Variants in UNC13C observed in about 807,000 individuals in gnomAD.
The protein encoded by UNC13C is protein unc-13 homolog C.
A neutral mutation model predicts 245.4 loss-of-function variants in UNC13C; 174 were observed. The observed-to-expected ratio is 0.71, with a 90% CI of 0.63 to 0.80. The LOEUF (loss-of-function observed/expected upper bound fraction) is 0.80. Among genes scored for constraint, UNC13C ranks in the 30% least tolerant of loss-of-function variants. UNC13C has a pLI of 0.00. For synonymous variants in UNC13C, 992 were observed against 895.1 expected (o/e 1.11, Z -1.93); for missense variants, 2,829 against 2,602.9 (o/e 1.09, Z -1.89).
chr15:54,562,594 T>C (rs778178644), intron 29 of UNC13C, among the ~76,000 whole-genome samples: 1 of 151,996 alleles, frequency 6.6e-6, no homozygotes, highest in African/African-American at 2.4e-5. Context: ...TATTGGAAAT[T>C]TTTGATGAAT....
chr15:54,052,779 T>C (rs1441969604), intron 2 of UNC13C, among the ~76,000 whole-genome samples: 5 of 152,218 alleles, frequency 3.3e-5, no homozygotes, highest in Non-Finnish European at 7.3e-5. Flanking sequence ...AGTTAGTTAG[T>C]TTGCTTTCAC....
chr15:54,477,755 T>C (rs1438018756), intron 19 of UNC13C, among the ~76,000 whole-genome samples: 1 of 146,906 alleles, frequency 6.8e-6, no homozygotes, highest in Non-Finnish European at 1.5e-5. Context: ...ATCAAGGATA[T>C]TGGTCTAAAA....
chr15:54,291,450 G>A (rs1030902333), intron 10 of UNC13C, among the ~76,000 whole-genome samples: 1 of 151,836 alleles, frequency 6.6e-6, no homozygotes, highest in Non-Finnish European at 1.5e-5. Context: ...TTTTATTTTG[G>A]TGAAACTTTA....
intron 2 of UNC13C, among the ~76,000 whole-genome samples, chr15:54,041,550 T>C (rs1269770654): frequency 1.3e-5 from 2 of 152,200 alleles, no homozygotes; most frequent in Non-Finnish European, 2.9e-5. Flanking sequence ...AACACCATAC[T>C]CTTTTCATCA....
chr15:54,097,288 T>C (rs938417407), intron 2 of UNC13C, among the ~76,000 whole-genome samples: 3 of 152,238 alleles, frequency 2.0e-5, no homozygotes, highest in Admixed American at 1.3e-4. Context: ...TTATCTATTT[T>C]ACCACATGTA....
intron 30 of UNC13C, among the ~76,000 whole-genome samples, chr15:54,619,198 G>A (rs1900642033): frequency 6.6e-6 from 1 of 152,100 alleles, no homozygotes; most frequent in East Asian, 1.9e-4. Flanking sequence ...CTTTCTCCAT[G>A]TAAATTTTGC....
chr15:54,299,681 C>T (rs1025475645), intron 12 of UNC13C, among the ~76,000 whole-genome samples: 2 of 152,080 alleles, frequency 1.3e-5, no homozygotes, highest in African/African-American at 4.8e-5. Flanking sequence ...CATTCTTCAG[C>T]CTCATCTCAT....
intron 17 of UNC13C, among the ~76,000 whole-genome samples, chr15:54,342,638 T>C (rs780962497): frequency 1.1e-4 from 17 of 152,236 alleles, no homozygotes; most frequent in Admixed American, 6.5e-5. Flanking sequence ...TTAAAAATTG[T>C]GTAATTATCC....
intron 19 of UNC13C, among the ~76,000 whole-genome samples, chr15:54,477,761 TA>T (rs1186426044): frequency 2.7e-5 from 4 of 147,088 alleles, no homozygotes; most frequent in Non-Finnish European, 4.5e-5. Flanking sequence ...GATATTGGTC[TA>T]AAATTCTCTT....
At chr15:53,952,856 C>T in the UNC13C span, among the ~76,000 whole-genome samples, 2 of 152,234 alleles carry the variant, frequency 1.3e-5, no homozygotes, top group South Asian at 4.2e-4. Context: ...TCATAATATT[C>T]AGGGCATACG....
At chr15:54,281,915 A>G (rs2037007411) in intron 10 of UNC13C, among the ~76,000 whole-genome samples, 1 of 152,114 alleles carries the variant, frequency 6.6e-6, no homozygotes, top group South Asian at 2.1e-4. Flanking sequence ...GATACAATTT[A>G]TTCATTTTAA....
In UNC13C at chr15:54,196,443, A is replaced by G. The variant is rs1184431783; in HGVS notation, c.3072-38587A>G. 5.9e-5 allele frequency among the ~76,000 whole-genome samples: 9 copies of G among 152,130 alleles called. No homozygotes were observed. In the East Asian group the frequency reaches 9.6e-4, roughly 16 times the overall value. On this transcript the variant is annotated intron_variant, in intron 4 of 32. Transcript: ENST00000260323. ...GGATCTATTCCACATTCAATTTTCC[A>G]TATAATAGAAAAAGAGAAAACATTC...
intron 29 of UNC13C, 144 bp from the exon 30 acceptor site, chr15:54,567,656 C>T (rs530093358): frequency 1.4e-4 from 94 of 666,674 alleles, no homozygotes; most frequent in Non-Finnish European, 1.9e-4. Context: ...AATAACTTAG[C>T]AATGGGAAAA....
At chr15:53,916,146 T>C in the UNC13C span, among the ~76,000 whole-genome samples, 1 of 152,160 alleles carries the variant, frequency 6.6e-6, no homozygotes, top group Non-Finnish European at 1.5e-5. Context: ...GTTCGAAGAA[T>C]GGTAATAGAA....
At chr15:54,422,322 TCATAGC>T (rs758659596) in intron 19 of UNC13C, among the ~76,000 whole-genome samples, 4 of 151,992 alleles carry the variant, frequency 2.6e-5, no homozygotes, top group Non-Finnish European at 4.4e-5. Flanking sequence ...TTGATACCTA[TCATAGC>T]CCTCTAAGTA....
chr15:54,015,059 A>T lies in UNC13C; in HGVS notation c.2156A>T (p.Asn719Ile), dbSNP rs765172397. The change falls in exon 2 of 33, where the codon AAT becomes ATT. Residue 719 changes from asparagine (N) to isoleucine (I), a missense_variant. Asn to Ile is a moderately radical substitution (Grantham distance 149, BLOSUM62 -3). Transcript: ENST00000260323. ...AGCTACGACTTAACTCAAGATGACA[A>T]TTCTTCTCCATGCCCTGGCTTGGAT... Reference protein sequence around the residue: ...SESYDLTQDDNSSPCPGLDNE... With the variant: ...SESYDLTQDDISSPCPGLDNE... The T allele has an allele frequency of 6.8e-6, 11 of 1,612,904 alleles. No homozygotes were observed. In the East Asian group the frequency reaches 2.5e-4, roughly 36 times the overall value.
At chr15:53,962,738 A>G in the UNC13C span, among the ~76,000 whole-genome samples, 1 of 152,186 alleles carries the variant, frequency 6.6e-6, no homozygotes, top group East Asian at 1.9e-4. Context: ...GACTGGAGCA[A>G]ATGCCATGGT....
chr15:54,492,483 G>A (rs1893760740), intron 19 of UNC13C, among the ~76,000 whole-genome samples: 1 of 152,008 alleles, frequency 6.6e-6, no homozygotes, highest in African/African-American at 2.4e-5. Context: ...CAGGCTTCAT[G>A]TATATTAACA....
intron 30 of UNC13C, among the ~76,000 whole-genome samples, chr15:54,589,218 T>C (rs1198419400): frequency 6.6e-6 from 1 of 151,784 alleles, no homozygotes; most frequent in African/African-American, 2.4e-5. Flanking sequence ...TGATTTGCAT[T>C]TCGTTGATCA....
Sources: gnomAD v4.1 joint callset for allele counts (sites outside exome capture counted in the v4.1 genomes callset) on GRCh38, gnomAD v4.1.1 for gene constraint, MANE v1.5 for transcripts, NCBI Gene and HGNC (gene_info 2026-07-23, HGNC 2026-07-21) for gene names.